MAST4: variants seen among roughly 807,000 people sequenced by gnomAD.
The protein encoded by MAST4 is microtubule-associated serine/threonine-protein kinase 4.
MAST4 carries 89 observed loss-of-function variants against 162.7 expected under a neutral mutation model. That is an observed-to-expected ratio of 0.55 (90% CI 0.46 to 0.65). The LOEUF is 0.65. MAST4 is among the 30% of genes least tolerant of loss of function. The pLI is 0.00. For missense variants in MAST4, 3,153 were observed against 3,374.0 expected (o/e 0.93, Z 1.62); for synonymous variants, 1,479 against 1,361.1 (o/e 1.09, Z -1.91).
chr5:66,843,964 G>T (rs1758610982), intron 3 of MAST4, among the ~76,000 whole-genome samples: 1 of 152,050 alleles, frequency 6.6e-6, no homozygotes, highest in Non-Finnish European at 1.5e-5. Context: ...TGTGCTGGCG[G>T]GGATAGTGGT....
At chr5:67,066,256 C>A (rs1760218535) in intron 5 of MAST4, among the ~76,000 whole-genome samples, 1 of 151,260 alleles carries the variant, frequency 6.6e-6, no homozygotes, top group Admixed American at 6.6e-5. Flanking sequence ...CTATATTGTC[C>A]CCCTTAAAAG....
At position 66,775,635 on chromosome 5, in the gene MAST4, T is replaced by C. The variant is rs73095880; in HGVS notation, c.518-13035T>C. 4.6e-3 allele frequency among the ~76,000 whole-genome samples: 703 copies of C among 152,126 alleles called. 6 individuals are homozygous for C. Among genetic ancestry groups the C allele is most frequent in the African/African-American group, 0.016 (672 of 41,470 alleles). ...TTAGGATTTAATTCAGTGTGCAGGG[T>C]TGGATAACAATGGTTCTTAAAAATG... On this transcript the variant is annotated intron_variant, in intron 2 of 28. Transcript: ENST00000403625.
At chr5:66,847,630 A>G (rs567162160) in intron 3 of MAST4, among the ~76,000 whole-genome samples, 1 of 151,608 alleles carries the variant, frequency 6.6e-6, no homozygotes, top group African/African-American at 2.4e-5. Flanking sequence ...GCGAGACTCC[A>G]TCTCAAAAAA....
At chr5:67,111,277 T>TA (rs1388368747) in intron 11 of MAST4, among the ~76,000 whole-genome samples, 2 of 152,208 alleles carry the variant, frequency 1.3e-5, no homozygotes. Context: ...CACACATACA[T>TA]ACATACATAA....
chr5:67,005,369 A>G (rs1751896236), intron 4 of MAST4, among the ~76,000 whole-genome samples: 1 of 152,166 alleles, frequency 6.6e-6, no homozygotes, highest in Non-Finnish European at 1.5e-5. Context: ...GGGAAAGAGG[A>G]GGAGATACTT....
intron 5 of MAST4, among the ~76,000 whole-genome samples, chr5:67,087,887 T>C (rs1763421860): frequency 6.6e-6 from 1 of 152,170 alleles, no homozygotes; most frequent in African/African-American, 2.4e-5. Flanking sequence ...TTTACAGCAG[T>C]GTAGTAGATG....
At chr5:66,983,759 A>C (rs1340724423) in intron 4 of MAST4, among the ~76,000 whole-genome samples, 1 of 152,204 alleles carries the variant, frequency 6.6e-6, no homozygotes, top group East Asian at 1.9e-4. Context: ...GTTTTATGCC[A>C]GTGTTATGAC....
intron 1 of MAST4, among the ~76,000 whole-genome samples, chr5:66,613,233 G>A (rs1743414495): frequency 6.6e-6 from 1 of 151,928 alleles, no homozygotes; most frequent in African/African-American, 2.4e-5. Context: ...TACCATCTAA[G>A]TCATTGTCTA....
At chr5:66,704,508 T>TTTTTTG in intron 1 of MAST4, among the ~76,000 whole-genome samples, 1 of 144,584 alleles carries the variant, frequency 6.9e-6, no homozygotes, top group African/African-American at 2.6e-5. Flanking sequence ...TTTTTTTTTT[T>TTTTTTG]TTTTTTGAGA....
chr5:67,024,511 G>T (rs1417370102), intron 4 of MAST4, among the ~76,000 whole-genome samples: 1 of 151,578 alleles, frequency 6.6e-6, no homozygotes, highest in Non-Finnish European at 1.5e-5. Flanking sequence ...ACATTCAAAA[G>T]ACTTTCAAAT....
chr5:67,116,693 G>A (rs1766959507), intron 12 of MAST4, among the ~76,000 whole-genome samples: 1 of 151,936 alleles, frequency 6.6e-6, no homozygotes, highest in Admixed American at 6.5e-5. Flanking sequence ...GCACACACCT[G>A]TAGTCCCAGC....
intron 1 of MAST4, among the ~76,000 whole-genome samples, chr5:66,655,649 A>G (rs1746498949): frequency 6.6e-6 from 1 of 152,198 alleles, no homozygotes. Flanking sequence ...TCTTTGCTAC[A>G]AAGAAAGCAC....
intron 3 of MAST4, among the ~76,000 whole-genome samples, chr5:66,860,541 A>G (rs1295721011): frequency 2.6e-5 from 4 of 151,810 alleles, no homozygotes; most frequent in South Asian, 4.1e-4. Flanking sequence ...AAATCTTACA[A>G]TGTTTCTTTA....
At chr5:66,691,176 A>G (rs182472357) in intron 1 of MAST4, among the ~76,000 whole-genome samples, 60 of 152,270 alleles carry the variant, frequency 3.9e-4, no homozygotes, top group Admixed American at 3.2e-3. Context: ...TCTTCTTCCT[A>G]CAAATTTTAT....
chr5:66,951,625 TGTGTGTGTGTGTGTG>T (rs1327413225), intron 4 of MAST4, among the ~76,000 whole-genome samples: 1 of 149,952 alleles, frequency 6.7e-6, no homozygotes, highest in East Asian at 1.9e-4. Flanking sequence ...TGTGTGTGTG[TGTGTGTGTGTGTGTG>T]TGTGTGTGTG....
At chr5:66,945,365 C>A (rs745753417) in intron 4 of MAST4, among the ~76,000 whole-genome samples, 4 of 152,082 alleles carry the variant, frequency 2.6e-5, no homozygotes, top group Non-Finnish European at 5.9e-5. Flanking sequence ...TGTTTAAAAC[C>A]TATGAACATA....
At chr5:66,696,621 C>T (rs60373834) in intron 1 of MAST4, among the ~76,000 whole-genome samples, 12,319 of 152,228 alleles carry the variant, frequency 0.081, 922 homozygotes, top group East Asian at 0.28. Flanking sequence ...CAGCTGCACA[C>T]ATGCATTCAT....
intron 1 of MAST4, among the ~76,000 whole-genome samples, chr5:66,652,716 A>G (rs1746307473): frequency 6.6e-6 from 1 of 152,148 alleles, no homozygotes; most frequent in Admixed American, 6.5e-5. Flanking sequence ...ATTTGCCTAA[A>G]TGTTGTATGT....
intron 13 of MAST4, among the ~76,000 whole-genome samples, chr5:67,119,915 T>C (rs188221151): frequency 8.6e-5 from 13 of 151,982 alleles, no homozygotes; most frequent in African/African-American, 3.1e-4. Context: ...TAATAGTGAG[T>C]GAATTACCTT....
Sources: allele counts gnomAD v4.1 joint callset (sites outside exome capture counted in the v4.1 genomes callset), GRCh38; gene constraint gnomAD v4.1.1; transcripts MANE v1.5; gene names NCBI Gene and HGNC (gene_info 2026-07-23, HGNC 2026-07-21).